NCAM1: variants seen among roughly 807,000 people sequenced by gnomAD.
NCAM1 encodes antigen recognized by monoclonal antibody 5.1H11.
A neutral mutation model predicts 109.8 loss-of-function variants in NCAM1; 14 were observed. That is an observed-to-expected ratio of 0.13 (90% CI 0.08 to 0.20). NCAM1 has a LOEUF of 0.20. Among genes scored for constraint, NCAM1 ranks in the 10% least tolerant of loss-of-function variants. The pLI, the probability that NCAM1 is intolerant of heterozygous loss-of-function variation, is 1.00. For synonymous variants in NCAM1, 418 were observed against 442.9 expected (o/e 0.94, Z 0.70); for missense variants, 774 against 1,109.9 (o/e 0.70, Z 4.30).
At chr11:113,004,427 G>A (rs1474921584) in intron 1 of NCAM1, among the ~76,000 whole-genome samples, 1 of 152,116 alleles carries the variant, frequency 6.6e-6, no homozygotes, top group African/African-American at 2.4e-5. Flanking sequence ...GGGAGGCGGA[G>A]GTTGCAGTGA....
chr11:113,064,516 T>A (rs1215564392), intron 1 of NCAM1, among the ~76,000 whole-genome samples: 7 of 145,442 alleles, frequency 4.8e-5, no homozygotes, highest in East Asian at 1.9e-4. Flanking sequence ...TAAACTATAT[T>A]TTTTTTATTA....
rs561115625 is a variant in NCAM1 at position 112,971,132 on chromosome 11, GA to G, written c.52+9473del. The stretch of plus-strand genomic sequence containing the variant: ...ATTAAGAAAGAAGTAAGAGAGGAAG[GA>G]AAAAGGGGAGGAAGGAGGGAGAGAA... On this transcript the variant is annotated intron_variant, in intron 1 of 19. Transcript: ENST00000316851. Among the ~76,000 whole-genome samples, 118 of 151,918 alleles carry G rather than the reference GA, an allele frequency of 7.8e-4. 1 individual carries two copies. The highest frequency in any genetic ancestry group is 7.1e-4 in the Non-Finnish European group (48 of 67,916).
chr11:113,215,757 T>C (rs1328208731), intron 8 of NCAM1, among the ~76,000 whole-genome samples: 5 of 152,256 alleles, frequency 3.3e-5, no homozygotes, highest in Non-Finnish European at 7.3e-5. Context: ...TTTGAAACTG[T>C]GAAAACCAGC....
intron 15 of NCAM1, among the ~76,000 whole-genome samples, chr11:113,254,609 T>C (rs1223836069): frequency 6.6e-6 from 1 of 152,210 alleles, no homozygotes; most frequent in East Asian, 1.9e-4. Flanking sequence ...AAGTGAGGCG[T>C]GACTCTCGCT....
In NCAM1 at chr11:113,060,650, A is replaced by G. The variant is rs1490868941; in HGVS notation, c.52+98986A>G. ...TTATGGGAGATTCGGAAGGTTTCCC[A>G]TTGCTTCCTGTCCAAAACTGAATCT... On this transcript the variant is annotated intron_variant, in intron 1 of 19. Coordinates refer to ENST00000316851, the MANE Select transcript of NCAM1 (RefSeq NM_181351.5). 3.0e-4 allele frequency among the ~76,000 whole-genome samples: 45 copies of G among 152,174 alleles called. 1 individual carries two copies. Among genetic ancestry groups the G allele is most frequent in the Non-Finnish European group, 1.5e-5 (1 of 68,008 alleles).
chr11:113,033,604 A>G (rs1313451430), intron 1 of NCAM1, among the ~76,000 whole-genome samples: 1 of 152,224 alleles, frequency 6.6e-6, no homozygotes, highest in African/African-American at 2.4e-5. Flanking sequence ...AATCATGTGA[A>G]TTAAAGGTTA....
intron 1 of NCAM1, among the ~76,000 whole-genome samples, chr11:113,105,790 G>A (rs1424496203): frequency 1.3e-5 from 2 of 152,196 alleles, no homozygotes; most frequent in Non-Finnish European, 2.9e-5. Context: ...GCTGCTAAGA[G>A]GTGTGTTATG....
At chr11:113,169,170 G>C (rs1942910150) in intron 1 of NCAM1, among the ~76,000 whole-genome samples, 1 of 151,968 alleles carries the variant, frequency 6.6e-6, no homozygotes, top group Non-Finnish European at 1.5e-5. Flanking sequence ...CTAGCTGATA[G>C]CAACCATATC....
chr11:112,965,462 C>A (rs1015469095), intron 1 of NCAM1, among the ~76,000 whole-genome samples: 1 of 152,162 alleles, frequency 6.6e-6, no homozygotes, highest in Non-Finnish European at 1.5e-5. Flanking sequence ...TAACCTATAT[C>A]TGTATTTTTC....
intron 1 of NCAM1, among the ~76,000 whole-genome samples, chr11:113,030,815 T>C (rs1375807420): frequency 1.3e-5 from 2 of 152,198 alleles, no homozygotes; most frequent in African/African-American, 2.4e-5. Context: ...TGAGAATAAA[T>C]AAAGCAGTTT....
chr11:113,062,379 C>T (rs782504793), intron 1 of NCAM1, among the ~76,000 whole-genome samples: 4 of 152,030 alleles, frequency 2.6e-5, no homozygotes, highest in Non-Finnish European at 4.4e-5. Flanking sequence ...CTTTTTTCAG[C>T]GAGCATAATG....
intron 14 of NCAM1, chr11:113,242,739 A>G (rs1945369128): frequency 1.4e-6 from 2 of 1,385,786 alleles, no homozygotes; most frequent in Non-Finnish European, 2.1e-6. Flanking sequence ...TATAGCTATG[A>G]GTTTAATTTA....
rs547640754 is a variant in NCAM1 at position 112,995,987 on chromosome 11, C to G, written c.52+34323C>G. The stretch of plus-strand genomic sequence containing the variant: ...TAAGAATCAAGCTCTTTGTGCAAGT[C>G]AAAACTCCTGGTGGCATTTGTACCT... On this transcript the variant is annotated intron_variant, in intron 1 of 19. Transcript: ENST00000316851. 1.1e-4 allele frequency among the ~76,000 whole-genome samples: 17 copies of G among 152,252 alleles called. No homozygotes were observed. The South Asian group carries it at 2.5e-3, about 22-fold the overall frequency.
chr11:113,206,883 T>C (rs1404776012), intron 5 of NCAM1, among the ~76,000 whole-genome samples: 1 of 152,220 alleles, frequency 6.6e-6, no homozygotes, highest in African/African-American at 2.4e-5. Context: ...TCCAACTTTT[T>C]CCAGTACAAA....
At position 113,114,219 on chromosome 11, in the gene NCAM1, A is replaced by G. The variant is rs545867787; in HGVS notation, c.53-88160A>G. On this transcript the variant is annotated intron_variant, in intron 1 of 19. Transcript: ENST00000316851. ...GTGCCAGGCCCCAAACAACCCATAT[A>G]GCTGATCTTTTCCCCGGAGTCAGAG... is the stretch of plus-strand genomic sequence containing the variant. Among the ~76,000 whole-genome samples the G allele has an allele frequency of 1.8e-4, 27 of 152,326 alleles. No individual in the cohort carries two copies. The South Asian group carries it at 5.4e-3, about 30-fold the overall frequency.
chr11:113,207,346 A>T lies in NCAM1; in HGVS notation c.714A>T (p.Glu238Asp). 6.2e-7 allele frequency: 1 copy of T among 1,614,022 alleles called. No individual in the cohort carries two copies. Among genetic ancestry groups the T allele is most frequent in the Non-Finnish European group, 8.5e-7 (1 of 1,179,878 alleles). ...CCGTCACCCTGGTGTGCGATGCCGA[A>T]GGCTTCCCAGAGCCCACCATGAGCT... ...GQSVTLVCDA[E>D]GFPEPTMSWT... Residue 238 changes from glutamate to aspartate, a missense_variant, in exon 6 of 20, where the codon GAA (glutamate) becomes GAT (aspartate). Coordinates refer to ENST00000316851, the MANE Select transcript of NCAM1 (RefSeq NM_181351.5).
At chr11:113,236,554 G>A (rs577026438) in intron 14 of NCAM1, among the ~76,000 whole-genome samples, 13 of 152,090 alleles carry the variant, frequency 8.5e-5, no homozygotes, top group Non-Finnish European at 1.8e-4. Context: ...TTTGGAAATT[G>A]TGCTTATTTA....
intron 1 of NCAM1, among the ~76,000 whole-genome samples, chr11:112,969,504 A>G (rs1261574290): frequency 1.3e-5 from 2 of 152,152 alleles, no homozygotes; most frequent in African/African-American, 4.8e-5. Flanking sequence ...GAGGAAGGGC[A>G]CTATTCAGAG....
At chr11:113,015,772 G>A (rs1411203794) in intron 1 of NCAM1, among the ~76,000 whole-genome samples, 2 of 151,920 alleles carry the variant, frequency 1.3e-5, no homozygotes, top group Non-Finnish European at 2.9e-5. Context: ...AAAAAAGATA[G>A]CGTCAGTCCT....
Sources: gnomAD v4.1 joint callset for allele counts (sites outside exome capture counted in the v4.1 genomes callset) on GRCh38, gnomAD v4.1.1 for gene constraint, MANE v1.5 for transcripts, NCBI Gene and HGNC (gene_info 2026-07-23, HGNC 2026-07-21) for gene names.